The following ARMC8 variants were observed in gnomAD, a reference collection of about 807,000 sequenced individuals.
The protein encoded by ARMC8 is armadillo repeat-containing protein 8.
A neutral mutation model predicts 99.3 loss-of-function variants in ARMC8; 20 were observed. The ratio of observed to expected loss-of-function variants is 0.20; its 90% CI spans 0.14 to 0.29. The LOEUF (loss-of-function observed/expected upper bound fraction) is 0.29. ARMC8 is among the 10% of genes least tolerant of loss of function. The pLI, the probability that ARMC8 is intolerant of heterozygous loss-of-function variation, is 1.00. For synonymous variants in ARMC8, 263 were observed against 278.3 expected (o/e 0.95, Z 0.55); for missense variants, 569 against 809.5 (o/e 0.70, Z 3.60).
intron 10 of ARMC8, among the ~76,000 whole-genome samples, chr3:138,240,152 C>G (rs915968102): frequency 6.6e-6 from 1 of 152,216 alleles, no homozygotes; most frequent in Non-Finnish European, 1.5e-5. Context: ...AGCAATAATT[C>G]CTGCTCATCT....
chr3:138,285,534 TC>T (rs2050326409), intron 19 of ARMC8, among the ~76,000 whole-genome samples: 1 of 152,228 alleles, frequency 6.6e-6, no homozygotes, highest in African/African-American at 2.4e-5. Flanking sequence ...GGAACACTTT[TC>T]TTCTCTCTGT....
intron 12 of ARMC8, among the ~76,000 whole-genome samples, chr3:138,261,102 A>G (rs1222450243): frequency 6.6e-6 from 1 of 152,212 alleles, no homozygotes; most frequent in African/African-American, 2.4e-5. Flanking sequence ...CTAGTGCATG[A>G]TTGAACTAAC....
chr3:138,248,509 G>T (rs2046981697), intron 12 of ARMC8, among the ~76,000 whole-genome samples: 1 of 152,218 alleles, frequency 6.6e-6, no homozygotes, highest in Admixed American at 6.5e-5. Flanking sequence ...TATTAAAAAT[G>T]GAAGAAGTTA....
chr3:138,287,580 A>C (rs2050553132), intron 19 of ARMC8: 1 of 455,252 alleles, frequency 2.2e-6, no homozygotes, highest in South Asian at 1.6e-5. Flanking sequence ...ACAAATATTG[A>C]TTGATTGTCT....
At chr3:138,187,808 A>G in intron 1 of ARMC8, 1 of 562,018 alleles carries the variant, frequency 1.8e-6, no homozygotes. Flanking sequence ...CAACTCCGGG[A>G]GCTCCCGCCG....
rs1001120423 is a variant in ARMC8, at chr3:138,188,266, A to G, written c.45+667A>G. 3 of 694,808 alleles carry G rather than the reference A, an allele frequency of 4.3e-6. No individual in the cohort carries two copies. In the African/African-American group the frequency reaches 5.4e-5, roughly 13 times the overall value. The allele number at this position is 694,808 out of a possible 1,614,324, so 43.0% of individuals were successfully genotyped here. On this transcript the variant is annotated intron_variant, in intron 1 of 21. Transcript: ENST00000469044. ...GAACTCTATGTTCCCTGTGCCTGGT[A>G]TTCCGTTTTTCTTTAAGGGGAGTCA...
chr3:138,236,624 C>A (rs2046346554), intron 7 of ARMC8, among the ~76,000 whole-genome samples: 1 of 152,122 alleles, frequency 6.6e-6, no homozygotes, highest in African/African-American at 2.4e-5. Flanking sequence ...CTTCTTCATA[C>A]CCCAGCTACC....
intron 13 of ARMC8, 106 bp downstream of exon 13, chr3:138,263,927 A>C: frequency 8.7e-7 from 1 of 1,152,962 alleles, no homozygotes; most frequent in Non-Finnish European, 1.3e-6. Context: ...TTCCTCAAAA[A>C]TCTGCTCAGG....
intron 2 of ARMC8, among the ~76,000 whole-genome samples, chr3:138,216,857 G>A (rs143573221): frequency 3.9e-5 from 6 of 152,282 alleles, no homozygotes; most frequent in Non-Finnish European, 8.8e-5. Context: ...CTTCAGGTAC[G>A]TGAAATACTG....
chr3:138,258,471 C>A (rs2047509271), intron 12 of ARMC8, among the ~76,000 whole-genome samples: 1 of 152,168 alleles, frequency 6.6e-6, no homozygotes, highest in Admixed American at 6.5e-5. Flanking sequence ...CTGGGAAGTT[C>A]CCTTGTAGCC....
chr3:138,212,916 G>A (rs763446009), intron 2 of ARMC8, among the ~76,000 whole-genome samples: 17 of 152,168 alleles, frequency 1.1e-4, no homozygotes, highest in Non-Finnish European at 2.2e-4. Flanking sequence ...TTGACTACAA[G>A]CCAACCAGAG....
At chr3:138,207,798 G>A (rs1244164356) in intron 1 of ARMC8, among the ~76,000 whole-genome samples, 1 of 152,112 alleles carries the variant, frequency 6.6e-6, no homozygotes, top group Non-Finnish European at 1.5e-5. Flanking sequence ...GTAAACCGAG[G>A]GATTGAGCAG....
intron 2 of ARMC8, among the ~76,000 whole-genome samples, chr3:138,219,124 G>C (rs1374465751): frequency 6.6e-6 from 1 of 152,126 alleles, no homozygotes; most frequent in East Asian, 1.9e-4. Flanking sequence ...CTTTCTCTCT[G>C]TAAAATGGAG....
chr3:138,245,245 C>G, intron 12 of ARMC8, 62 bp downstream of exon 12: 1 of 1,614,022 alleles, frequency 6.2e-7, no homozygotes. Flanking sequence ...GTGACGTCAA[C>G]CTGAAAGTCG....
chr3:138,260,061 T>C (rs2108246714), intron 12 of ARMC8, among the ~76,000 whole-genome samples: 1 of 152,340 alleles, frequency 6.6e-6, no homozygotes, highest in East Asian at 1.9e-4. Flanking sequence ...AAGGGCTTTC[T>C]CTTCCTCACC....
At chr3:138,234,398 C>T (rs1414519143) in intron 6 of ARMC8, among the ~76,000 whole-genome samples, 1 of 152,172 alleles carries the variant, frequency 6.6e-6, no homozygotes, top group African/African-American at 2.4e-5. Context: ...GTGTGAGCCA[C>T]TGCGCCTGGC....
chr3:138,284,395 AG>A, intron 18 of ARMC8, 35 bp from the exon 19 acceptor site: 1 of 1,537,480 alleles, frequency 6.5e-7, no homozygotes, highest in Non-Finnish European at 9.0e-7. Context: ...GGGACTTCAG[AG>A]CTTTCCTGAC....
intron 2 of ARMC8, among the ~76,000 whole-genome samples, chr3:138,215,653 AT>A (rs1356941520): frequency 6.6e-6 from 1 of 152,118 alleles, no homozygotes; most frequent in East Asian, 1.9e-4. Flanking sequence ...ATTTTGGTAG[AT>A]TTTACTCTTC....
chr3:138,228,876 C>A, intron 5 of ARMC8, 42 bp from the exon 6 acceptor site: 1 of 1,188,152 alleles, frequency 8.4e-7, no homozygotes, highest in Non-Finnish European at 1.2e-6. Context: ...CAAATGTACT[C>A]ATGGTGCCTG....
Sources: allele counts gnomAD v4.1 joint callset (sites outside exome capture counted in the v4.1 genomes callset), GRCh38; gene constraint gnomAD v4.1.1; transcripts MANE v1.5; gene names NCBI Gene and HGNC (gene_info 2026-07-23, HGNC 2026-07-21).